ICE1: variants seen among roughly 807,000 people sequenced by gnomAD.
ICE1 encodes the protein interactor of little elongation complex ELL subunit 1.
Under a neutral mutation model 192.7 loss-of-function variants are expected in ICE1, and 64 were observed. That is an observed-to-expected ratio of 0.33 (90% CI 0.27 to 0.41). The LOEUF (loss-of-function observed/expected upper bound fraction) is 0.41, where lower values mean the gene tolerates loss of function less well. ICE1 is among the 10% of genes least tolerant of loss of function. The probability of loss-of-function intolerance (pLI) is 1.00; values close to 1 mark genes in which losing one functional copy is unlikely to be tolerated. For missense variants in ICE1, 2,708 were observed against 2,696.0 expected (o/e 1.00, Z -0.10); for synonymous variants, 1,010 against 984.5 (o/e 1.03, Z -0.49).
chr5:5,435,501 C>G (rs1235872571), intron 1 of ICE1, among the ~76,000 whole-genome samples: 4 of 151,878 alleles, frequency 2.6e-5, no homozygotes, highest in Non-Finnish European at 2.9e-5. Flanking sequence ...GTCCTTATTT[C>G]TGAAGTATTT....
chr5:5,489,576 T>C lies in ICE1; in HGVS notation c.*246T>C, dbSNP rs1276039184. The C allele has an allele frequency of 2.4e-5, 8 of 327,292 alleles. No individual in the cohort carries two copies. The highest frequency in any genetic ancestry group is 1.5e-4 in the African/African-American group (7 of 47,104). 20.3% of individuals were successfully genotyped at this position (327,292 alleles called of 1,614,324 possible). ...GATCTGTGACATATGGGTTATATTATTGTGTCTTTGTCAAACAACAAAAAC... is the reference window on the plus strand; with the variant it reads ...GATCTGTGACATATGGGTTATATTACTGTGTCTTTGTCAAACAACAAAAAC... On this transcript the variant is annotated 3_prime_UTR_variant, in exon 19 of 19. Coordinates refer to ENST00000296564, the MANE Select transcript of ICE1 (RefSeq NM_015325.3).
At position 5,422,837 on chromosome 5, in the gene ICE1, C is replaced by T. The variant is rs1315414761; in HGVS notation, c.-79C>T. On this transcript the variant is annotated 5_prime_UTR_variant, in exon 1 of 19. Coordinates refer to ENST00000296564, the MANE Select transcript of ICE1 (RefSeq NM_015325.3). Reference sequence around the variant, plus strand: ...GCGGCCTGGCAGGCGGCGGCCCCGGCGGCATCAGCAGAGACAGGACGGGGC... The same window carrying T: ...GCGGCCTGGCAGGCGGCGGCCCCGGTGGCATCAGCAGAGACAGGACGGGGC... 6.5e-6 allele frequency: 7 copies of T among 1,077,258 alleles called. No homozygotes were observed. The highest frequency in any genetic ancestry group is 5.0e-5 in the African/African-American group (3 of 60,478). 66.7% of individuals were successfully genotyped at this position (1,077,258 alleles called of 1,614,324 possible).
At position 5,464,563 on chromosome 5, in the gene ICE1, G is replaced by A. The variant is rs1417470831; in HGVS notation, c.5229G>A (p.Gly1743=). 1.9e-6 allele frequency: 3 copies of A among 1,613,082 alleles called. No individual in the cohort carries two copies. The Admixed American group carries it at 5.0e-5, about 27-fold the overall frequency. ...PCASGHAAVG[G]PQENSVKILD... is the part of the protein sequence containing the mutation. ...CATCTGGCCACGCTGCTGTGGGAGG[G>A]CCTCAGGAGAATTCTGTGAAAATCC... is the stretch of plus-strand genomic sequence containing the variant. The change falls in exon 13 of 19, where the codon GGG becomes GGA. Residue 1743 remains glycine (G), a synonymous_variant. Transcript: ENST00000296564. This position sits in a 1 kb window ranked among gnomAD's most constrained non-coding sequence, Gnocchi z 4.0.
rs576529637 is a variant in ICE1, at chr5:5,464,702, G to A, written c.5368G>A (p.Ala1790Thr). ...TGACTGTAAGAATTTACCGGGACCT[G>A]CCAGTGCTATGATAGGATTCAAAAC... ...PADCKNLPGP[A>T]SAMIGFKTIT... Residue 1790 changes from alanine to threonine, a missense_variant, in exon 13 of 19, where the codon GCC becomes ACC. Transcript: ENST00000296564. This position sits in a 1 kb window ranked among gnomAD's most constrained non-coding sequence, Gnocchi z 4.0. The A allele has an allele frequency of 3.1e-6, 5 of 1,613,904 alleles. No homozygotes were observed. The African/African-American group carries it at 6.7e-5, about 22-fold the overall frequency.
intron 11 of ICE1, among the ~76,000 whole-genome samples, chr5:5,456,673 A>G (rs962647309): frequency 2.0e-5 from 3 of 152,210 alleles, no homozygotes; most frequent in Middle Eastern, 3.4e-3. Flanking sequence ...TCAACCGCCT[A>G]TCCAAGGAGC....
rs747153468 is a variant in ICE1, at chr5:5,462,554, G to A, written c.3220G>A (p.Ala1074Thr). 9 of 1,613,846 alleles carry A rather than the reference G, an allele frequency of 5.6e-6. No individual in the cohort carries two copies. Among genetic ancestry groups the A allele is most frequent in the Non-Finnish European group, 6.8e-6 (8 of 1,179,902 alleles). The change falls in exon 13 of 19, where the codon GCA becomes ACA. Residue 1074 changes from alanine to threonine, a missense_variant. Around this residue, in one of 2 missense-constraint regions of ICE1, gnomAD observed 2,366 missense variants for 2,276.6 expected, o/e 1.04. Transcript: ENST00000296564. ...CACCACAGACACTACTTTTTCTTCA[G>A]CATTTTGCAGAAAACATGGAGAGAC... ...FGTTDTTFSS[A>T]FCRKHGETQD...
In ICE1 at chr5:5,423,969, CAGGT is replaced by C. The variant is rs200588703; in HGVS notation, c.84+974_84+977del. 7.8e-3 allele frequency among the ~76,000 whole-genome samples: 1,187 copies of C among 152,186 alleles called. 23 individuals carry two copies. The highest frequency in any genetic ancestry group is 0.027 in the African/African-American group (1,118 of 41,506). ...GGTCTTGTCTCTTAGCTAGAGTAGT[CAGGT>C]AGGGAATTTTTGAGTCAGTAACTTT... On this transcript the variant is annotated intron_variant, in intron 1 of 18. Transcript: ENST00000296564.
chr5:5,436,611 A>G (rs1040445481), intron 2 of ICE1, 135 bp downstream of exon 2: 10 of 475,294 alleles, frequency 2.1e-5, no homozygotes, highest in Admixed American at 4.1e-5. Flanking sequence ...GGTACTGATT[A>G]TAATTCCCCG....
chr5:5,475,600 T>C (rs182835099), intron 16 of ICE1, among the ~76,000 whole-genome samples: 1 of 152,334 alleles, frequency 6.6e-6, no homozygotes, highest in Non-Finnish European at 1.5e-5. Flanking sequence ...TTGTCTGTGA[T>C]CCTGCCGGAT....
chr5:5,467,881 A>T (rs1464014156), intron 14 of ICE1, among the ~76,000 whole-genome samples: 1 of 152,248 alleles, frequency 6.6e-6, no homozygotes, highest in Non-Finnish European at 1.5e-5. Context: ...ACATTCATTT[A>T]TCCTATGGCT....
Position 5,466,399 on chromosome 5 carries a change from C to T in ICE1, c.5958C>T (p.Asp1986=), listed in dbSNP as rs1561093496. The T allele has an allele frequency of 1.9e-5, 30 of 1,613,158 alleles. No homozygotes were observed. The highest frequency in any genetic ancestry group is 2.5e-5 in the Non-Finnish European group (30 of 1,179,574). ...TAAAAATTCAGAAGATATCTATGGA[C>T]CACAATTACATTCACGCCCTCTGCA... The part of the protein sequence containing the change: ...SELKIQKISM[D]HNYIHALCRV... Residue 1986 remains aspartate (D), a synonymous_variant, in exon 14 of 19, where the codon GAC becomes GAT. Transcript: ENST00000296564.
rs141735659 is a variant in ICE1 at position 5,424,315 on chromosome 5, A to G, written c.84+1316A>G. Reference sequence around the variant, plus strand: ...GAAATGTGCTGCTTTTGTGAGTAGAAGGAGAACTAACAGATCATTGCCTTC... The same window carrying G: ...GAAATGTGCTGCTTTTGTGAGTAGAGGGAGAACTAACAGATCATTGCCTTC... On this transcript the variant is annotated intron_variant, in intron 1 of 18. Coordinates refer to ENST00000296564, the MANE Select transcript of ICE1 (RefSeq NM_015325.3). 1.4e-3 allele frequency among the ~76,000 whole-genome samples: 216 copies of G among 151,904 alleles called. 1 individual carries two copies. Among genetic ancestry groups the G allele is most frequent in the African/African-American group, 5.0e-3 (204 of 41,188 alleles).
Position 5,436,483 on chromosome 5 carries a change from A to G in ICE1, c.143+7A>G. 1.4e-6 allele frequency: 2 copies of G among 1,444,978 alleles called. No homozygotes were observed. The highest frequency in any genetic ancestry group is 1.8e-6 in the Non-Finnish European group (2 of 1,083,196). The allele number at this position is 1,444,978 out of a possible 1,614,324, so 89.5% of individuals were successfully genotyped here. A position where few individuals can be genotyped will look rare whatever the true frequency, so the allele number is the denominator to read the frequency against. On this transcript the variant is annotated splice_region_variant and intron_variant, in intron 2 of 18. Transcript: ENST00000296564. ...AAAAAATTATCAATACAGAGTAAGT[A>G]TATTTGCATGTCGTTTGGCAGAACT...
intron 11 of ICE1, among the ~76,000 whole-genome samples, chr5:5,455,296 T>A (rs966034775): frequency 6.6e-6 from 1 of 152,334 alleles, no homozygotes; most frequent in South Asian, 2.1e-4. Context: ...TTACTTATGG[T>A]GGACTCAGAA....
intron 11 of ICE1, 44 bp downstream of exon 11, chr5:5,454,682 C>T (rs757530467): frequency 3.4e-6 from 5 of 1,464,004 alleles, no homozygotes; most frequent in African/African-American, 1.4e-5. Flanking sequence ...TGTGAAAGTA[C>T]AGAGCTTAAC....
chr5:5,430,318 C>G (rs1737665875), intron 1 of ICE1, among the ~76,000 whole-genome samples: 1 of 152,152 alleles, frequency 6.6e-6, no homozygotes, highest in Admixed American at 6.5e-5. Flanking sequence ...AATGTTTTAT[C>G]AGAGTATTAC....
chr5:5,471,317 A>G (rs1329365012), intron 15 of ICE1, among the ~76,000 whole-genome samples: 1 of 152,126 alleles, frequency 6.6e-6, no homozygotes, highest in African/African-American at 2.4e-5. Context: ...AAAACTTGAA[A>G]AGACTGGTTG....
chr5:5,433,092 A>G (rs1429507268), intron 1 of ICE1, among the ~76,000 whole-genome samples: 2 of 152,216 alleles, frequency 1.3e-5, no homozygotes, highest in African/African-American at 4.8e-5. Context: ...GGAAGACAGA[A>G]GGACTACACT....
Position 5,460,903 on chromosome 5 carries a change from T to C in ICE1, c.1569T>C (p.Ala523=). The part of the protein sequence containing the change: ...LSASPAQEKE[A]APGKSELCSS... ...CCAGCCCTGCACAAGAGAAGGAAGC[T>C]GCCCCTGGGAAGTCTGAGTTGTGTT... The change falls in exon 13 of 19, where the codon GCT becomes GCC. Residue 523 remains alanine (A), a synonymous_variant. Coordinates refer to ENST00000296564, the MANE Select transcript of ICE1 (RefSeq NM_015325.3). The C allele has an allele frequency of 2.5e-6, 4 of 1,614,036 alleles. No homozygotes were observed. Among genetic ancestry groups the C allele is most frequent in the Non-Finnish European group, 3.4e-6 (4 of 1,179,898 alleles).
Sources: allele counts gnomAD v4.1 joint callset (sites outside exome capture counted in the v4.1 genomes callset), GRCh38; gene constraint gnomAD v4.1.1; regional missense constraint gnomAD v4.1.1; non-coding constraint Gnocchi (gnomAD v3.1); transcripts MANE v1.5; gene names NCBI Gene and HGNC (gene_info 2026-07-23, HGNC 2026-07-21).